The following AKAP13 variants were observed in gnomAD, a reference collection of about 807,000 sequenced individuals.
The protein encoded by AKAP13 is A-kinase anchor protein 13.
In AKAP13, 80 loss-of-function variants were observed where a neutral mutation model predicts 264.5. That is an observed-to-expected ratio of 0.30 (90% CI 0.25 to 0.36). The LOEUF (loss-of-function observed/expected upper bound fraction) is 0.36, where lower values mean the gene tolerates loss of function less well. Ranked by LOEUF, AKAP13 falls within the 10% of genes least tolerant of loss-of-function variation. AKAP13 has a pLI of 1.00. For missense variants in AKAP13, 3,712 were observed against 3,435.2 expected, an observed-to-expected ratio of 1.08 and a Z score of -2.01; for synonymous variants, 1,380 against 1,250.2, an observed-to-expected ratio of 1.10 and a Z score of -2.19.
intron 8 of AKAP13, among the ~76,000 whole-genome samples, chr15:85,593,017 G>A (rs1182690876): frequency 6.6e-6 from 1 of 152,102 alleles, no homozygotes; most frequent in Non-Finnish European, 1.5e-5. Flanking sequence ...ACCAGTGTGT[G>A]ATTATGAAAT....
Position 85,716,039 on chromosome 15 carries a change from T to G in AKAP13, c.5735+116T>G, listed in dbSNP as rs981119817. 3.0e-6 allele frequency: 4 copies of G among 1,347,608 alleles called. No individual in the cohort carries two copies. In the African/African-American group the frequency reaches 6.1e-5, roughly 21 times the overall value. 83.5% of individuals were successfully genotyped at this position (1,347,608 alleles called of 1,614,324 possible). On this transcript the variant is annotated intron_variant, in intron 20 of 36. Transcript: ENST00000394518. ...TTTAAGAAATAAATCTATAAGGTCATGGGTTGGTGCAGACAAGGACGATGG... is the reference window on the plus strand; with the variant it reads ...TTTAAGAAATAAATCTATAAGGTCAGGGGTTGGTGCAGACAAGGACGATGG...
At chr15:85,689,450 A>G (rs2085141362) in intron 16 of AKAP13, among the ~76,000 whole-genome samples, 1 of 152,346 alleles carries the variant, frequency 6.6e-6, no homozygotes, top group Non-Finnish European at 1.5e-5. Context: ...AAAGTGAAGA[A>G]TCACCTTTGA....
chr15:85,718,663 AG>A lies in AKAP13; in HGVS notation c.6002-411del. ...ATACCTGTAATCCCAGCACTCTGGG[AG>A]GCTGAGGCGGGTGGATCACTCGAGC... On this transcript the variant is annotated intron_variant, in intron 22 of 36. Coordinates refer to ENST00000394518, the MANE Select transcript of AKAP13 (RefSeq NM_007200.5). The surrounding 1 kb of genome is among the most constrained non-coding windows in gnomAD (Gnocchi z 4.9). The A allele has an allele frequency of 4.9e-6, 1 of 205,164 alleles. No homozygotes were observed. Among genetic ancestry groups the A allele is most frequent in the South Asian group, 7.6e-5 (1 of 13,150 alleles). 12.7% of individuals were successfully genotyped at this position (205,164 alleles called of 1,614,324 possible).
chr15:85,518,537 CAAA>C lies in AKAP13; in HGVS notation c.34-2886_34-2884del, dbSNP rs1229465927. Among the ~76,000 whole-genome samples, 4 of 152,202 alleles carry C rather than the reference CAAA, an allele frequency of 2.6e-5. No homozygotes were observed. In the East Asian group the frequency reaches 5.8e-4, roughly 22 times the overall value. On this transcript the variant is annotated intron_variant, in intron 2 of 36. Coordinates refer to ENST00000394518, the MANE Select transcript of AKAP13 (RefSeq NM_007200.5). ...AAAAACAAACAAACAAACAAAACAACAAAAAAACTACAGACCAGGTGCAGTGGC... is the reference window on the plus strand; with the variant it reads ...AAAAACAAACAAACAAACAAAACAACAAAACTACAGACCAGGTGCAGTGGC...
chr15:85,693,382 G>A lies in AKAP13; in HGVS notation c.5395G>A (p.Val1799Ile), dbSNP rs567959173. 3 of 1,613,960 alleles carry A rather than the reference G, an allele frequency of 1.9e-6. No individual in the cohort carries two copies. Among genetic ancestry groups the A allele is most frequent in the South Asian group, 1.1e-5 (1 of 91,010 alleles). ...CGGGCACACTTTCAGTTCCATTCCTGTTGTGGGTCCCATCAGCTGTAGCCA... is the reference window on the plus strand; with the variant it reads ...CGGGCACACTTTCAGTTCCATTCCTATTGTGGGTCCCATCAGCTGTAGCCA... Reference protein sequence around the residue: ...VNGHTFSSIPVVGPISCSQCM... With the variant: ...VNGHTFSSIPIVGPISCSQCM... The change falls in exon 17 of 37, where the codon GTT (valine) becomes ATT (isoleucine). Residue 1799 changes from valine to isoleucine, a missense_variant. Transcript: ENST00000394518.
intron 8 of AKAP13, among the ~76,000 whole-genome samples, chr15:85,634,737 C>T (rs1483931720): frequency 6.6e-6 from 1 of 152,078 alleles, no homozygotes; most frequent in Non-Finnish European, 1.5e-5. Context: ...CAGTCTTCTC[C>T]TTCATTCTCT....
intron 12 of AKAP13, chr15:85,662,362 G>A (rs768917959): frequency 6.2e-7 from 1 of 1,612,938 alleles, no homozygotes; most frequent in Non-Finnish European, 8.5e-7. Flanking sequence ...CTGCATTTCT[G>A]TTTCTGTCTT....
At chr15:85,663,165 C>A (rs2083437597) in intron 12 of AKAP13, among the ~76,000 whole-genome samples, 1 of 152,188 alleles carries the variant, frequency 6.6e-6, no homozygotes, top group African/African-American at 2.4e-5. Context: ...CAAAAATTGG[C>A]CAGACACGGT....
chr15:85,554,785 C>T (rs112505003), intron 5 of AKAP13, among the ~76,000 whole-genome samples: 4 of 152,038 alleles, frequency 2.6e-5, no homozygotes, highest in East Asian at 1.9e-4. Flanking sequence ...GAAATTGAAG[C>T]GCAGAGAAAT....
In AKAP13 at chr15:85,719,321, A is replaced by G; in HGVS notation, c.6247A>G (p.Asn2083Asp). 1 of 1,614,144 alleles carries G rather than the reference A, an allele frequency of 6.2e-7. No homozygotes were observed. The highest frequency in any genetic ancestry group is 8.5e-7 in the Non-Finnish European group (1 of 1,180,004). ...LIKRIGDVLV[N>D]QFSGENAERL... ...CAAGAGGATAGGGGATGTGCTTGTA[A>G]ATCAGGTGAGAATGGGAAGGATCTC... The change falls in exon 23 of 37, where the codon AAT becomes GAT. Residue 2083 changes from asparagine (N) to aspartate (D), a missense_variant. Coordinates refer to ENST00000394518, the MANE Select transcript of AKAP13 (RefSeq NM_007200.5).
chr15:85,580,869 G>A lies in AKAP13; in HGVS notation c.2801G>A (p.Cys934Tyr), dbSNP rs1213296513. 1.9e-6 allele frequency: 3 copies of A among 1,614,064 alleles called. No homozygotes were observed. Among genetic ancestry groups the A allele is most frequent in the South Asian group, 2.2e-5 (2 of 91,092 alleles). ...CAAGATAAGGATAAAGCGGTGACCT[G>A]TTCCTCTATTAAGGAAAATGCTCTC... ...QEQDKDKAVT[C>Y]SSIKENALSS... Residue 934 changes from cysteine to tyrosine, a missense_variant, in exon 7 of 37, where the codon TGT (cysteine) becomes TAT (tyrosine). By Grantham distance (194) the Cys-to-Tyr change is radical. This residue lies in a region of AKAP13 where 2,759 missense variants were observed against 2,411.7 expected (regional missense o/e 1.14). Transcript: ENST00000394518.
At chr15:85,553,622 TTAAC>T (rs2078040217) in intron 5 of AKAP13, among the ~76,000 whole-genome samples, 1 of 152,208 alleles carries the variant, frequency 6.6e-6, no homozygotes, top group African/African-American at 2.4e-5. Context: ...ATTTTATGCT[TTAAC>T]TGGCCAATAG....
At chr15:85,476,474 A>T in intron 1 of AKAP13, among the ~76,000 whole-genome samples, 1 of 152,258 alleles carries the variant, frequency 6.6e-6, no homozygotes, top group Admixed American at 6.5e-5. Context: ...GCTATCATGT[A>T]ATTCATAACA....
rs1204047109 is a variant in AKAP13, at chr15:85,575,251, ACAT to A, written c.787_789del (p.His263del). On this transcript the variant is annotated inframe_deletion, in exon 6 of 37. Coordinates refer to ENST00000394518, the MANE Select transcript of AKAP13 (RefSeq NM_007200.5). ...ATACATTAACCTCTGAGTCTGATTC[ACAT>A]CATGAACACCCATTTCCTGGAGACG... 3.1e-6 allele frequency: 5 copies of A among 1,614,062 alleles called. No individual in the cohort carries two copies. In the African/African-American group the frequency reaches 6.7e-5, roughly 22 times the overall value.
chr15:85,402,493 G>C (rs1188912071), intron 1 of AKAP13, among the ~76,000 whole-genome samples: 1 of 152,286 alleles, frequency 6.6e-6, no homozygotes, highest in Middle Eastern at 3.4e-3. Flanking sequence ...ATGGGGGATC[G>C]TGGTATCTGA....
chr15:85,606,194 A>G (rs545489414), intron 8 of AKAP13, among the ~76,000 whole-genome samples: 1 of 141,854 alleles, frequency 7.0e-6, no homozygotes, highest in Admixed American at 7.7e-5. Flanking sequence ...CTCCGCCTCT[A>G]GGGTTCAAAC....
Position 85,724,340 on chromosome 15 carries a change from A to G in AKAP13, c.6745+1020A>G, listed in dbSNP as rs551993293. Among the ~76,000 whole-genome samples, 3 of 152,338 alleles carry G rather than the reference A, an allele frequency of 2.0e-5. No individual in the cohort carries two copies. In the South Asian group the frequency reaches 6.2e-4, roughly 32 times the overall value. On this transcript the variant is annotated intron_variant, in intron 26 of 36. Coordinates refer to ENST00000394518, the MANE Select transcript of AKAP13 (RefSeq NM_007200.5). The surrounding 1 kb of genome is among the most constrained non-coding windows in gnomAD (Gnocchi z 4.2). ...AGCCTTGGAAAGAGATACCTGCTCT[A>G]CAGTGTGGTGAGTGCTGGAATGGAG...
chr15:85,741,005 C>T, intron 34 of AKAP13, 41 bp from the exon 35 acceptor site: 1 of 1,564,684 alleles, frequency 6.4e-7, no homozygotes, highest in Non-Finnish European at 8.7e-7. Flanking sequence ...TCGCTGTCGT[C>T]CTGGCCAGAG....
intron 1 of AKAP13, among the ~76,000 whole-genome samples, chr15:85,434,991 GAGA>G (rs2073208253): frequency 6.6e-6 from 1 of 151,240 alleles, no homozygotes; most frequent in Middle Eastern, 3.2e-3. Flanking sequence ...GACGAGCTGA[GAGA>G]AGAAGGCTTC....
Sources: allele counts gnomAD v4.1 joint callset (sites outside exome capture counted in the v4.1 genomes callset), GRCh38; gene constraint gnomAD v4.1.1; regional missense constraint gnomAD v4.1.1; non-coding constraint Gnocchi (gnomAD v3.1); transcripts MANE v1.5; gene names NCBI Gene and HGNC (gene_info 2026-07-23, HGNC 2026-07-21).